ANKH: variants seen among roughly 807,000 people sequenced by gnomAD.
ANKH encodes the protein ANKH inorganic pyrophosphate transport regulator.
In ANKH, 15 loss-of-function variants were observed where a neutral mutation model predicts 49.0. That is an observed-to-expected ratio of 0.31 (90% CI 0.20 to 0.47). ANKH has a LOEUF of 0.47. Ranked by LOEUF, ANKH falls within the 20% of genes least tolerant of loss-of-function variation. The pLI, the probability that ANKH is intolerant of heterozygous loss-of-function variation, is 1.00. For missense variants in ANKH, 429 were observed against 652.0 expected (o/e 0.66, Z 3.72); for synonymous variants, 273 against 260.0 (o/e 1.05, Z -0.48).
intron 1 of ANKH, among the ~76,000 whole-genome samples, chr5:14,817,795 A>C (rs547464345): frequency 3.3e-5 from 5 of 152,338 alleles, no homozygotes; most frequent in African/African-American, 9.6e-5. Flanking sequence ...AGGGTTCACT[A>C]TAAGAGAGGG....
rs150386849 is a variant in ANKH, at chr5:14,775,425, A to G, written c.97-6234T>C. Among the ~76,000 whole-genome samples, 8 of 152,320 alleles carry G rather than the reference A, an allele frequency of 5.3e-5. No homozygotes were observed. The East Asian group carries it at 1.5e-3, about 29-fold the overall frequency. ...ACAATTATAACAATATACTGTAATA[A>G]AAGTTATGTCAATGTGGTCTCTCTC... On this transcript the variant is annotated intron_variant, in intron 1 of 11. Transcript: ENST00000284268.
chr5:14,834,312 T>A (rs181681663), intron 1 of ANKH, among the ~76,000 whole-genome samples: 2 of 152,166 alleles, frequency 1.3e-5, no homozygotes, highest in African/African-American at 4.8e-5. Flanking sequence ...AGTCTCTGAA[T>A]GGTCTGGAGT....
intron 1 of ANKH, among the ~76,000 whole-genome samples, chr5:14,790,272 C>T (rs1740121177): frequency 6.6e-6 from 1 of 152,172 alleles, no homozygotes; most frequent in African/African-American, 2.4e-5. Flanking sequence ...TACTATATCA[C>T]CTAATTTTTA....
rs1319361500 is a variant in ANKH, at chr5:14,764,082, A to AAAT, written c.313+4890_313+4892dup. Reference sequence around the variant, plus strand: ...TAGCCTGGGTGACAGAACGGAAAATAAATAAATAAATAAAAATAAAAAAAG... The same window carrying AAAT: ...TAGCCTGGGTGACAGAACGGAAAATAAATAATAAATAAATAAAAATAAAAAAAG... On this transcript the variant is annotated intron_variant, in intron 2 of 11. Coordinates refer to ENST00000284268, the MANE Select transcript of ANKH (RefSeq NM_054027.6). Among the ~76,000 whole-genome samples the AAAT allele has an allele frequency of 3.6e-3, 547 of 152,004 alleles. 4 individuals carry two copies. The highest frequency in any genetic ancestry group is 0.012 in the African/African-American group (506 of 41,448).
At chr5:14,773,411 C>T (rs1044951802) in intron 1 of ANKH, among the ~76,000 whole-genome samples, 5 of 135,070 alleles carry the variant, frequency 3.7e-5, no homozygotes, top group African/African-American at 1.4e-4. Context: ...CTGAGGCATC[C>T]ACTGAAATGC....
chr5:14,799,219 C>T (rs1740489168), intron 1 of ANKH, among the ~76,000 whole-genome samples: 1 of 152,136 alleles, frequency 6.6e-6, no homozygotes, highest in Non-Finnish European at 1.5e-5. Context: ...AAGGAAGTTG[C>T]AGAAGAAAAG....
chr5:14,810,007 G>T (rs1195491778), intron 1 of ANKH, among the ~76,000 whole-genome samples: 2 of 152,086 alleles, frequency 1.3e-5, no homozygotes, highest in Non-Finnish European at 2.9e-5. Context: ...GTGTTCCCTG[G>T]TGGCACTAGT....
chr5:14,719,328 T>C (rs767844855), intron 8 of ANKH, among the ~76,000 whole-genome samples: 3 of 152,246 alleles, frequency 2.0e-5, no homozygotes, highest in Non-Finnish European at 4.4e-5. Flanking sequence ...TTACCTCTCA[T>C]GCACACTTTT....
At chr5:14,863,319 C>T (rs910249674) in intron 1 of ANKH, among the ~76,000 whole-genome samples, 3 of 152,228 alleles carry the variant, frequency 2.0e-5, no homozygotes, top group African/African-American at 4.8e-5. Flanking sequence ...TCAGCTCCCA[C>T]TGGTTGGTGC....
chr5:14,818,661 A>G lies in ANKH; in HGVS notation c.97-49470T>C, dbSNP rs867421131. Among the ~76,000 whole-genome samples the G allele has an allele frequency of 1.7e-3, 253 of 151,292 alleles. 2 individuals carry two copies. Among genetic ancestry groups the G allele is most frequent in the African/African-American group, 5.9e-3 (245 of 41,282 alleles). On this transcript the variant is annotated intron_variant, in intron 1 of 11. Transcript: ENST00000284268. Reference sequence around the variant, plus strand: ...CTCCATCTCAAAAAAAAAAAAAAAAAAAAAAAAAGAGGCAGAAGCAGAAAA... The same window carrying G: ...CTCCATCTCAAAAAAAAAAAAAAAAGAAAAAAAAGAGGCAGAAGCAGAAAA...
chr5:14,851,937 G>T (rs746501456), intron 1 of ANKH, among the ~76,000 whole-genome samples: 10 of 152,216 alleles, frequency 6.6e-5, no homozygotes, highest in Non-Finnish European at 1.3e-4. Flanking sequence ...ATACAGTTAG[G>T]TGTTTTAAAA....
intron 1 of ANKH, among the ~76,000 whole-genome samples, chr5:14,806,198 A>G (rs1199865790): frequency 6.6e-6 from 1 of 152,224 alleles, no homozygotes; most frequent in African/African-American, 2.4e-5. Context: ...GAATAAAGCA[A>G]AAACATTAAT....
chr5:14,868,295 CCTCAT>C (rs1169872222), intron 1 of ANKH: 1 of 152,084 alleles, frequency 6.6e-6, no homozygotes, highest in East Asian at 1.9e-4. Flanking sequence ...TCATAAAACA[CCTCAT>C]CTAAGAAACA....
At chr5:14,748,338 G>GC (rs1484926479) in intron 6 of ANKH, among the ~76,000 whole-genome samples, 1 of 152,210 alleles carries the variant, frequency 6.6e-6, no homozygotes, top group Non-Finnish European at 1.5e-5. Context: ...ATGGAAACTG[G>GC]CAGGCACTCT....
intron 8 of ANKH, among the ~76,000 whole-genome samples, chr5:14,738,832 C>G (rs953002235): frequency 6.6e-6 from 1 of 151,996 alleles, no homozygotes; most frequent in Non-Finnish European, 1.5e-5. Flanking sequence ...ATAATACAGA[C>G]TGAGCATAAA....
At chr5:14,837,887 G>A (rs570449658) in intron 1 of ANKH, among the ~76,000 whole-genome samples, 126 of 152,222 alleles carry the variant, frequency 8.3e-4, no homozygotes, top group Non-Finnish European at 1.3e-3. Context: ...TGATAGACTG[G>A]ATTAAGAAAA....
At chr5:14,805,981 T>G (rs1384531765) in intron 1 of ANKH, among the ~76,000 whole-genome samples, 2 of 152,178 alleles carry the variant, frequency 1.3e-5, no homozygotes, top group African/African-American at 4.8e-5. Flanking sequence ...CATATAACAT[T>G]AACAGGGAAC....
At position 14,761,085 on chromosome 5, in the gene ANKH, C is replaced by T. The variant is rs706290; in HGVS notation, c.314-2487G>A. Among the ~76,000 whole-genome samples, 1,119 of 151,960 alleles carry T rather than the reference C, an allele frequency of 7.4e-3. 13 individuals are homozygous for T. Among genetic ancestry groups the T allele is most frequent in the African/African-American group, 0.026 (1,076 of 41,446 alleles). On this transcript the variant is annotated intron_variant, in intron 2 of 11. Transcript: ENST00000284268. The stretch of plus-strand genomic sequence containing the variant: ...AGGGAGAACTCAGTGTGAAGATGAA[C>T]GCAGAAACCGGGGTGACTCCTCTAC...
chr5:14,768,847 G>T, intron 2 of ANKH, 128 bp downstream of exon 2: 1 of 1,100,642 alleles, frequency 9.1e-7, no homozygotes, highest in Non-Finnish European at 1.4e-6. Context: ...TCTATCCCCT[G>T]AAAATTTCAT....
Sources: allele counts gnomAD v4.1 joint callset (sites outside exome capture counted in the v4.1 genomes callset), GRCh38; gene constraint gnomAD v4.1.1; transcripts MANE v1.5; gene names NCBI Gene and HGNC (gene_info 2026-07-23, HGNC 2026-07-21).